The following MCF2L2 variants were observed in gnomAD, a reference collection of about 807,000 sequenced individuals.
MCF2L2 encodes MCF.2 cell line derived transforming sequence-like 2, also known as probable guanine nucleotide exchange factor MCF2L2.
In MCF2L2, 102 loss-of-function variants were observed where a neutral mutation model predicts 150.2. The observed-to-expected ratio is 0.68, with a 90% CI of 0.58 to 0.80. The LOEUF (loss-of-function observed/expected upper bound fraction) is 0.80, where lower values mean the gene tolerates loss of function less well. MCF2L2 is among the 30% of genes least tolerant of loss of function. The pLI is 0.00. For synonymous variants in MCF2L2, 465 were observed against 491.3 expected (o/e 0.95, Z 0.71); for missense variants, 1,256 against 1,372.8 (o/e 0.91, Z 1.34).
At chr3:183,206,287 C>G in intron 23 of MCF2L2, 73 bp from the exon 24 acceptor site, 2 of 1,070,164 alleles carry the variant, frequency 1.9e-6, no homozygotes, top group Non-Finnish European at 2.9e-6. Flanking sequence ...GTCAATCACT[C>G]TAATCCTTTC....
chr3:183,288,432 C>G (rs753486157), intron 14 of MCF2L2, among the ~76,000 whole-genome samples: 31 of 151,302 alleles, frequency 2.0e-4, no homozygotes, highest in Non-Finnish European at 3.2e-4. Flanking sequence ...TATTCACGCA[C>G]TTGTGTGTGT....
At chr3:183,243,684 C>A (rs913028633) in intron 15 of MCF2L2, among the ~76,000 whole-genome samples, 2 of 152,222 alleles carry the variant, frequency 1.3e-5, no homozygotes, top group Non-Finnish European at 2.9e-5. Flanking sequence ...AGTCATTAAA[C>A]TCCTTGCCTC....
intron 7 of MCF2L2, among the ~76,000 whole-genome samples, chr3:183,315,537 T>C (rs1729569687): frequency 6.6e-6 from 1 of 152,220 alleles, no homozygotes; most frequent in Admixed American, 6.5e-5. Flanking sequence ...AGAGTATAAA[T>C]GTCAAATAAT....
Position 183,179,441 on chromosome 3 carries a change from C to T in MCF2L2, c.3284G>A (p.Gly1095Glu), listed in dbSNP as rs1420922248. ...CCTCGCCTGGAAACCAGCCGTCGCC[C>T]CCGCAGGAGCCAGCCGGCCCGTGGA... The part of the protein sequence containing the change: ...GASTGRLAPA[G>E]ATAGFQARAL... The change falls in exon 30 of 30, where the codon GGG (glycine) becomes GAG (glutamate). Residue 1095 changes from glycine to glutamate, a missense_variant. Physicochemically the swap from Gly to Glu is moderately conservative, Grantham distance 98. Coordinates refer to ENST00000328913, the MANE Select transcript of MCF2L2 (RefSeq NM_015078.4). This position sits in a 1 kb window ranked among gnomAD's most constrained non-coding sequence, Gnocchi z 4.2. 2.5e-6 allele frequency: 4 copies of T among 1,584,362 alleles called. No individual in the cohort carries two copies. The highest frequency in any genetic ancestry group is 2.6e-6 in the Non-Finnish European group (3 of 1,164,356).
chr3:183,207,522 G>T, intron 23 of MCF2L2, 86 bp downstream of exon 23: 2 of 1,041,312 alleles, frequency 1.9e-6, no homozygotes, highest in Non-Finnish European at 2.9e-6. Context: ...TCTCTACACT[G>T]CAGCTTCCTC....
intron 22 of MCF2L2, among the ~76,000 whole-genome samples, 154 bp downstream of exon 22, chr3:183,215,815 T>C (rs1722889351): frequency 6.6e-6 from 1 of 152,182 alleles, no homozygotes; most frequent in South Asian, 2.1e-4. Context: ...TGGAATCTTG[T>C]AGTGCGGGTT....
intron 15 of MCF2L2, among the ~76,000 whole-genome samples, chr3:183,261,963 A>T (rs1406248462): frequency 4.2e-5 from 5 of 119,532 alleles, no homozygotes; most frequent in Admixed American, 7.7e-5. Context: ...TCCAGCATTA[A>T]AAAAAAAAAA....
At chr3:183,338,106 TA>T (rs35858786) in intron 5 of MCF2L2, among the ~76,000 whole-genome samples, 10,466 of 152,164 alleles carry the variant, frequency 0.069, 814 homozygotes, top group African/African-American at 0.19. Flanking sequence ...TCTATCATCT[TA>T]GACACCACCT....
At chr3:183,292,173 T>C (rs76719608) in intron 13 of MCF2L2, among the ~76,000 whole-genome samples, 3,350 of 152,272 alleles carry the variant, frequency 0.022, 73 homozygotes, top group East Asian at 0.051. Context: ...GTAGGATACA[T>C]GGTGGAAGAC....
intron 10 of MCF2L2, among the ~76,000 whole-genome samples, chr3:183,309,352 G>C (rs1299110294): frequency 2.6e-5 from 4 of 151,966 alleles, no homozygotes; most frequent in African/African-American, 9.7e-5. Context: ...CAGGCTCCAG[G>C]GAGGAGCTCA....
rs531844808 is a variant in MCF2L2 at position 183,307,670 on chromosome 3, A to C, written c.1113+2046T>G. ...TATACCAAGGACCACAAGTTCAAGG[A>C]AGTGGGCAGAAGAAAGAATGTGATG... On this transcript the variant is annotated intron_variant, in intron 10 of 29. Coordinates refer to ENST00000328913, the MANE Select transcript of MCF2L2 (RefSeq NM_015078.4). Among the ~76,000 whole-genome samples, 8 of 152,346 alleles carry C rather than the reference A, an allele frequency of 5.3e-5. No individual in the cohort carries two copies. In the South Asian group the frequency reaches 1.7e-3, roughly 32 times the overall value.
chr3:183,318,117 G>A lies in MCF2L2; in HGVS notation c.704C>T (p.Ser235Phe), dbSNP rs1271531761. 3.7e-6 allele frequency: 6 copies of A among 1,614,072 alleles called. No homozygotes were observed. The African/African-American group carries it at 6.7e-5, about 18-fold the overall frequency. The change falls in exon 7 of 30, where the codon TCC (serine) becomes TTC (phenylalanine). Residue 235 changes from serine to phenylalanine, a missense_variant. Physicochemically the swap from Ser to Phe is radical, Grantham distance 155. Transcript: ENST00000328913. ...GTGGGACATGAGAAGGTCTTCCGTG[G>A]ATAGCATGCTTCTGGGCAGCTCTGC... ...ATAELPRSMLSTEDLLMSHTR... is the reference protein window; with the variant it reads ...ATAELPRSMLFTEDLLMSHTR...
chr3:183,395,348 A>C (rs533052331), intron 1 of MCF2L2, among the ~76,000 whole-genome samples: 1 of 151,142 alleles, frequency 6.6e-6, no homozygotes, highest in South Asian at 2.1e-4. Flanking sequence ...GATTTTAAAA[A>C]AGAAAGAAAA....
intron 3 of MCF2L2, among the ~76,000 whole-genome samples, chr3:183,361,021 A>AGACC (rs1463021514): frequency 5.0e-5 from 7 of 140,394 alleles, no homozygotes; most frequent in African/African-American, 1.7e-4. Flanking sequence ...AAGAAAAGAA[A>AGACC]AGAGAAAAGA....
At chr3:183,264,729 G>C (rs1193559586) in intron 15 of MCF2L2, among the ~76,000 whole-genome samples, 1 of 152,196 alleles carries the variant, frequency 6.6e-6, no homozygotes, top group Admixed American at 6.5e-5. Flanking sequence ...TTGACAGCAG[G>C]GGTAAGGTTT....
intron 15 of MCF2L2, among the ~76,000 whole-genome samples, chr3:183,238,420 G>A (rs970514372): frequency 1.3e-5 from 2 of 151,726 alleles, no homozygotes; most frequent in African/African-American, 4.8e-5. Flanking sequence ...TCAGACTCCC[G>A]AGTAGCTGGG....
intron 15 of MCF2L2, among the ~76,000 whole-genome samples, chr3:183,259,224 T>C (rs1040612342): frequency 7.2e-5 from 11 of 152,228 alleles, no homozygotes; most frequent in African/African-American, 2.7e-4. Flanking sequence ...TCAAGAATGT[T>C]TGAAAAATTC....
intron 1 of MCF2L2, among the ~76,000 whole-genome samples, chr3:183,409,469 T>C (rs1200069521): frequency 6.6e-6 from 1 of 151,926 alleles, no homozygotes; most frequent in Non-Finnish European, 1.5e-5. Flanking sequence ...CACTTACCAT[T>C]AAACTTAATT....
intron 3 of MCF2L2, among the ~76,000 whole-genome samples, chr3:183,350,664 G>A (rs1419508056): frequency 6.6e-6 from 1 of 152,142 alleles, no homozygotes; most frequent in African/African-American, 2.4e-5. Flanking sequence ...CAGCACTTTG[G>A]GAGGCCGAGG....
Sources: allele counts gnomAD v4.1 joint callset (sites outside exome capture counted in the v4.1 genomes callset), GRCh38; gene constraint gnomAD v4.1.1; non-coding constraint Gnocchi (gnomAD v3.1); transcripts MANE v1.5; gene names NCBI Gene and HGNC (gene_info 2026-07-23, HGNC 2026-07-21).